Variants in CELF2 observed in about 807,000 individuals in gnomAD.
CELF2 encodes the protein CUG triplet repeat RNA-binding protein 2.
A neutral mutation model predicts 62.6 loss-of-function variants in CELF2; 8 were observed. The ratio of observed to expected loss-of-function variants is 0.13; its 90% CI spans 0.07 to 0.23. The LOEUF (loss-of-function observed/expected upper bound fraction) is 0.23, where lower values mean the gene tolerates loss of function less well. Ranked by LOEUF, CELF2 falls within the 10% of genes least tolerant of loss-of-function variation. The pLI, the probability that CELF2 is intolerant of heterozygous loss-of-function variation, is 1.00. For synonymous variants in CELF2, 258 were observed against 250.0 expected, an observed-to-expected ratio of 1.03 and a Z score of -0.30; for missense variants, 333 against 671.0, an observed-to-expected ratio of 0.50 and a Z score of 5.56.
At chr10:10,493,286 A>C in the CELF2 span, among the ~76,000 whole-genome samples, 191 of 152,268 alleles carry the variant, frequency 1.3e-3, 1 homozygote, top group African/African-American at 4.4e-3. Context: ...GAGAGGGGGC[A>C]TGGATGGCTA....
intron 1 of CELF2, among the ~76,000 whole-genome samples, chr10:10,846,540 T>C (rs901667089): frequency 2.0e-5 from 3 of 152,218 alleles, no homozygotes; most frequent in Non-Finnish European, 4.4e-5. Flanking sequence ...TTGTCTTCAT[T>C]TTGATGCTTT....
At chr10:11,249,280 C>A in intron 4 of CELF2, 79 bp downstream of exon 4, 1 of 1,155,074 alleles carries the variant, frequency 8.7e-7, no homozygotes, top group South Asian at 1.2e-5. Flanking sequence ...GCGGGAGAAG[C>A]CGGCCCAGCT....
At chr10:10,615,114 C>T in the CELF2 span, among the ~76,000 whole-genome samples, 1 of 152,098 alleles carries the variant, frequency 6.6e-6, no homozygotes, top group Non-Finnish European at 1.5e-5. Flanking sequence ...TGATACATAA[C>T]TGAGCAACCT....
At chr10:10,510,928 A>G in the CELF2 span, among the ~76,000 whole-genome samples, 1 of 152,204 alleles carries the variant, frequency 6.6e-6, no homozygotes, top group African/African-American at 2.4e-5. Flanking sequence ...TGTTCCCAGA[A>G]TACAAAGGCC....
At chr10:10,740,342 C>T in the CELF2 span, among the ~76,000 whole-genome samples, 1 of 151,990 alleles carries the variant, frequency 6.6e-6, no homozygotes, top group Non-Finnish European at 1.5e-5. Flanking sequence ...TTGCATGTGG[C>T]TATCCAGTTT....
At position 11,324,972 on chromosome 10, in the gene CELF2, A is replaced by AT. The variant is rs768987084; in HGVS notation, c.1295-863dup. 2.6e-5 allele frequency among the ~76,000 whole-genome samples: 4 copies of AT among 152,072 alleles called. No homozygotes were observed. Among genetic ancestry groups the AT allele is most frequent in the Non-Finnish European group, 5.9e-5 (4 of 68,018 alleles). On this transcript the variant is annotated intron_variant, in intron 11 of 12. Coordinates refer to ENST00000633077, the MANE Select transcript of CELF2 (RefSeq NM_001326342.2). This position sits in a 1 kb window ranked among gnomAD's most constrained non-coding sequence, Gnocchi z 4.7. Reference sequence around the variant, plus strand: ...AGCCAGCCCTCATCTCCCTCAGCTCATATTTATGCCCTTTTGTGCCGCTTT... The same window carrying AT: ...AGCCAGCCCTCATCTCCCTCAGCTCATTATTTATGCCCTTTTGTGCCGCTTT...
chr10:10,813,964 G>A (rs1211150729), intron 1 of CELF2, among the ~76,000 whole-genome samples: 1 of 152,130 alleles, frequency 6.6e-6, no homozygotes. Flanking sequence ...GAAAAAGAGT[G>A]TACAAGAGAT....
At chr10:10,845,083 T>G (rs1159439328) in intron 1 of CELF2, among the ~76,000 whole-genome samples, 1 of 152,188 alleles carries the variant, frequency 6.6e-6, no homozygotes, top group Non-Finnish European at 1.5e-5. Flanking sequence ...TTTCACAGCC[T>G]GTAATATTTA....
At chr10:10,673,258 T>C in the CELF2 span, among the ~76,000 whole-genome samples, 4 of 152,166 alleles carry the variant, frequency 2.6e-5, no homozygotes, top group Non-Finnish European at 4.4e-5. Flanking sequence ...CCTTTCGCTA[T>C]CTGTATGTAT....
At chr10:10,650,776 T>A in the CELF2 span, among the ~76,000 whole-genome samples, 1,120 of 152,294 alleles carry the variant, frequency 7.4e-3, 15 homozygotes, top group African/African-American at 0.025. Context: ...TTAGCGTTCC[T>A]CAAAATATTT....
the CELF2 span, among the ~76,000 whole-genome samples, chr10:10,600,188 A>C: frequency 6.6e-6 from 1 of 152,242 alleles, no homozygotes; most frequent in Non-Finnish European, 1.5e-5. Flanking sequence ...CCAGGAGGGG[A>C]TGCTCAGAAA....
chr10:11,019,817 G>A (rs1371278033), intron 1 of CELF2, among the ~76,000 whole-genome samples: 1 of 152,124 alleles, frequency 6.6e-6, no homozygotes, highest in Non-Finnish European at 1.5e-5. Flanking sequence ...ATATATACCT[G>A]TATAGACACG....
intron 2 of CELF2, among the ~76,000 whole-genome samples, chr10:10,965,690 A>T (rs905642674): frequency 3.3e-5 from 5 of 152,240 alleles, no homozygotes; most frequent in Non-Finnish European, 7.3e-5. Context: ...ACAAAATATT[A>T]TTCATAGAAC....
intron 1 of CELF2, among the ~76,000 whole-genome samples, chr10:11,088,183 T>A (rs1016520505): frequency 6.6e-6 from 1 of 152,144 alleles, no homozygotes; most frequent in African/African-American, 2.4e-5. Context: ...GCTGAGGACA[T>A]TCAGGTGAGG....
intron 5 of CELF2, among the ~76,000 whole-genome samples, chr10:11,264,137 AC>A (rs2081513456): frequency 6.6e-6 from 1 of 152,210 alleles, no homozygotes; most frequent in Non-Finnish European, 1.5e-5. Flanking sequence ...TTATATAATT[AC>A]AAGCATCAGT....
chr10:10,944,114 G>A (rs1000488300), intron 2 of CELF2: 1 of 152,552 alleles, frequency 6.6e-6, no homozygotes, highest in African/African-American at 2.4e-5. Flanking sequence ...TAACTCACTA[G>A]TTTAGGTAAC....
intron 2 of CELF2, among the ~76,000 whole-genome samples, chr10:10,976,505 T>A (rs975356089): frequency 1.3e-5 from 2 of 152,118 alleles, no homozygotes; most frequent in African/African-American, 4.8e-5. Context: ...TTTACCCTAC[T>A]CTTTTTTTCA....
chr10:10,665,544 A>G, the CELF2 span, among the ~76,000 whole-genome samples: 3 of 152,220 alleles, frequency 2.0e-5, no homozygotes, highest in Non-Finnish European at 4.4e-5. Flanking sequence ...CACCCTGGAC[A>G]TAGAAACCTA....
In CELF2 at chr10:11,227,405, C is replaced by T. The variant is rs2066995201; in HGVS notation, c.354+9898C>T. On this transcript the variant is annotated intron_variant, in intron 3 of 12. Coordinates refer to ENST00000633077, the MANE Select transcript of CELF2 (RefSeq NM_001326342.2). This position sits in a 1 kb window ranked among gnomAD's most constrained non-coding sequence, Gnocchi z 4.8. Reference sequence around the variant, plus strand: ...TGGCACAGCAGGATGAACACGGCCCCATGAGACAGCGCTGCTGCTCTCCGC... The same window carrying T: ...TGGCACAGCAGGATGAACACGGCCCTATGAGACAGCGCTGCTGCTCTCCGC... Among the ~76,000 whole-genome samples, 1 of 152,214 alleles carries T rather than the reference C, an allele frequency of 6.6e-6. No individual in the cohort carries two copies. Among genetic ancestry groups the T allele is most frequent in the South Asian group, 2.1e-4 (1 of 4,824 alleles).
Sources: gnomAD v4.1 joint callset for allele counts (sites outside exome capture counted in the v4.1 genomes callset) on GRCh38, gnomAD v4.1.1 for gene constraint, Gnocchi (gnomAD v3.1) non-coding constraint, MANE v1.5 for transcripts, NCBI Gene and HGNC (gene_info 2026-07-23, HGNC 2026-07-21) for gene names.